PATJ: variants seen among roughly 807,000 people sequenced by gnomAD.
PATJ encodes the protein PATJ crumbs cell polarity complex component, also known as inaD-like protein.
Under a neutral mutation model 224.9 loss-of-function variants are expected in PATJ, and 190 were observed. The observed-to-expected ratio is 0.84, with a 90% CI of 0.75 to 0.95. The LOEUF (loss-of-function observed/expected upper bound fraction) is 0.95. Among genes scored for constraint, PATJ ranks in the 40% least tolerant of loss-of-function variants. The pLI is 0.00. For synonymous variants in PATJ, 769 were observed against 820.3 expected, an observed-to-expected ratio of 0.94 and a Z score of 1.07; for missense variants, 2,121 against 2,270.3, an observed-to-expected ratio of 0.93 and a Z score of 1.34.
intron 29 of PATJ, among the ~76,000 whole-genome samples, chr1:62,019,319 C>T (rs894448935): frequency 2.7e-5 from 4 of 149,938 alleles, no homozygotes; most frequent in African/African-American, 4.9e-5. Flanking sequence ...GTCAGGAGTG[C>T]GAGACCAGCC....
chr1:61,815,157 G>T (rs1655850191), intron 14 of PATJ, among the ~76,000 whole-genome samples: 1 of 152,196 alleles, frequency 6.6e-6, no homozygotes, highest in Non-Finnish European at 1.5e-5. Flanking sequence ...GCCTTTCTGA[G>T]CCCAGGCTTG....
chr1:62,138,010 C>T (rs1280814649), intron 41 of PATJ, among the ~76,000 whole-genome samples: 1 of 152,138 alleles, frequency 6.6e-6, no homozygotes, highest in Non-Finnish European at 1.5e-5. Context: ...TGGCCTCCCC[C>T]TCTTTGGGTT....
chr1:61,792,881 G>T (rs1650192559), intron 9 of PATJ, among the ~76,000 whole-genome samples: 1 of 152,084 alleles, frequency 6.6e-6, no homozygotes, highest in African/African-American at 2.4e-5. Context: ...ATTAGGGGTG[G>T]CAGGGAGCAC....
chr1:61,977,319 G>C (rs1460944054), intron 27 of PATJ, among the ~76,000 whole-genome samples: 1 of 151,936 alleles, frequency 6.6e-6, no homozygotes, highest in Non-Finnish European at 1.5e-5. Context: ...CGAACTCCTA[G>C]CCTCAAGTAA....
intron 29 of PATJ, among the ~76,000 whole-genome samples, chr1:62,020,984 C>T (rs1647046733): frequency 2.6e-5 from 4 of 151,856 alleles, no homozygotes; most frequent in Admixed American, 6.6e-5. Flanking sequence ...TACCACCAGG[C>T]CCGGCTAGTT....
At chr1:61,807,170 C>CA (rs1370688320) in intron 13 of PATJ, among the ~76,000 whole-genome samples, 1 of 151,824 alleles carries the variant, frequency 6.6e-6, no homozygotes, top group Non-Finnish European at 1.5e-5. Flanking sequence ...CAAAACAAAA[C>CA]AAAAAACAAA....
intron 14 of PATJ, among the ~76,000 whole-genome samples, chr1:61,818,581 AC>A (rs1369621027): frequency 6.6e-6 from 1 of 152,190 alleles, no homozygotes; most frequent in Non-Finnish European, 1.5e-5. Flanking sequence ...AATCTTAGAA[AC>A]CCAGCTGTAC....
intron 11 of PATJ, among the ~76,000 whole-genome samples, chr1:61,799,364 T>C (rs535794051): frequency 6.6e-6 from 1 of 151,950 alleles, no homozygotes; most frequent in East Asian, 1.9e-4. Flanking sequence ...CCTGGCTAAT[T>C]TTTTGTGTTT....
intron 41 of PATJ, among the ~76,000 whole-genome samples, chr1:62,137,861 G>T (rs1667111747): frequency 6.7e-6 from 1 of 149,036 alleles, no homozygotes; most frequent in Admixed American, 6.6e-5. Context: ...CACCTCAGGT[G>T]GGGGGATCTC....
At chr1:61,942,786 T>A (rs2482868) in intron 27 of PATJ, among the ~76,000 whole-genome samples, 1 of 151,988 alleles carries the variant, frequency 6.6e-6, no homozygotes, top group Non-Finnish European at 1.5e-5. Context: ...TCACATCAGG[T>A]GATCCGCCTG....
chr1:61,824,099 A>C (rs960904501), intron 15 of PATJ, among the ~76,000 whole-genome samples: 1 of 152,206 alleles, frequency 6.6e-6, no homozygotes, highest in South Asian at 2.1e-4. Context: ...GGGCACGGCC[A>C]TATCTTTGTG....
intron 29 of PATJ, among the ~76,000 whole-genome samples, chr1:62,025,568 C>T (rs1647697010): frequency 6.6e-6 from 1 of 152,216 alleles, no homozygotes; most frequent in South Asian, 2.1e-4. Context: ...TGCCTGTAAT[C>T]CCAGCACTTT....
chr1:61,789,342 C>CA (rs577753647), intron 8 of PATJ, among the ~76,000 whole-genome samples: 109 of 149,702 alleles, frequency 7.3e-4, no homozygotes, highest in East Asian at 4.5e-3. Context: ...ACAAAACAGA[C>CA]AAAAAAAAAC....
intron 27 of PATJ, among the ~76,000 whole-genome samples, chr1:61,986,582 GCTAA>G (rs1409840354): frequency 6.6e-6 from 1 of 151,970 alleles, no homozygotes; most frequent in African/African-American, 2.4e-5. Context: ...GCTATGCTGG[GCTAA>G]CTTTTTAAAT....
intron 22 of PATJ, among the ~76,000 whole-genome samples, chr1:61,886,745 G>A (rs999173062): frequency 6.7e-6 from 1 of 150,354 alleles, no homozygotes; most frequent in Admixed American, 6.7e-5. Flanking sequence ...ACTTGAACCT[G>A]GGAGGTGGAG....
chr1:61,765,214 A>C (rs1242446488), intron 3 of PATJ, among the ~76,000 whole-genome samples: 1 of 150,780 alleles, frequency 6.6e-6, no homozygotes, highest in Non-Finnish European at 1.5e-5. Flanking sequence ...AGCTGGGCCT[A>C]CAGGCATGTG....
At chr1:61,911,414 A>G (rs1351608825) in intron 25 of PATJ, among the ~76,000 whole-genome samples, 1 of 152,042 alleles carries the variant, frequency 6.6e-6, no homozygotes, top group Non-Finnish European at 1.5e-5. Context: ...AGGTTTCACC[A>G]TGTTGGTCAG....
intron 41 of PATJ, among the ~76,000 whole-genome samples, chr1:62,141,473 A>G (rs1667489038): frequency 6.6e-6 from 1 of 151,960 alleles, no homozygotes; most frequent in Non-Finnish European, 1.5e-5. Flanking sequence ...CCAGGAGTTC[A>G]AGACCAGCCT....
chr1:61,808,915 AGTAACATTGTGCAGT>A (rs1267361006), intron 14 of PATJ, among the ~76,000 whole-genome samples: 1 of 152,182 alleles, frequency 6.6e-6, no homozygotes, highest in Non-Finnish European at 1.5e-5. Context: ...TAGTATGCAG[AGTAACATTGTGCAGT>A]GTGCGTTAGT....
Sources: gnomAD v4.1 joint callset for allele counts (sites outside exome capture counted in the v4.1 genomes callset) on GRCh38, gnomAD v4.1.1 for gene constraint, MANE v1.5 for transcripts, NCBI Gene and HGNC (gene_info 2026-07-23, HGNC 2026-07-21) for gene names.